VAV3: variants seen among roughly 807,000 people sequenced by gnomAD.
VAV3 encodes the protein guanine nucleotide exchange factor VAV3.
In VAV3, 94 loss-of-function variants were observed where a neutral mutation model predicts 131.2. The observed-to-expected ratio is 0.72, with a 90% CI of 0.61 to 0.85. VAV3 has a LOEUF of 0.85. Among genes scored for constraint, VAV3 ranks in the 40% least tolerant of loss-of-function variants. The pLI, the probability that VAV3 is intolerant of heterozygous loss-of-function variation, is 0.00. For synonymous variants in VAV3, 349 were observed against 342.0 expected (o/e 1.02, Z -0.22); for missense variants, 939 against 1,002.7 (o/e 0.94, Z 0.86).
intron 17 of VAV3, chr1:107,688,615 A>T: frequency 1.5e-6 from 2 of 1,335,834 alleles, no homozygotes; most frequent in Non-Finnish European, 2.0e-6. Context: ...AAAGTGACTC[A>T]CAGTTTTAAA....
At chr1:107,825,328 G>T (rs1667966598) in intron 2 of VAV3, among the ~76,000 whole-genome samples, 1 of 151,800 alleles carries the variant, frequency 6.6e-6, no homozygotes, top group South Asian at 2.1e-4. Flanking sequence ...TTTTCTACAG[G>T]TTTTAATTTG....
Position 107,572,110 on chromosome 1 carries a change from G to A in VAV3, c.*1221C>T, listed in dbSNP as rs1020643676. 1 of 152,252 alleles carries A rather than the reference G, an allele frequency of 6.6e-6. No homozygotes were observed. The highest frequency in any genetic ancestry group is 2.4e-5 in the African/African-American group (1 of 41,460). The allele number at this position is 152,252 out of a possible 1,614,324, so 9.4% of individuals were successfully genotyped here. Reference sequence around the variant, plus strand: ...CTTGAATGGGGACTCTGGACCCCAGGAAGAATGTATTTAGGCTCCTCACAA... The same window carrying A: ...CTTGAATGGGGACTCTGGACCCCAGAAAGAATGTATTTAGGCTCCTCACAA... On this transcript the variant is annotated 3_prime_UTR_variant, in exon 27 of 27. Transcript: ENST00000370056.
At chr1:107,701,045 T>C (rs1660092792) in intron 17 of VAV3, among the ~76,000 whole-genome samples, 1 of 142,558 alleles carries the variant, frequency 7.0e-6, no homozygotes, top group Non-Finnish European at 1.5e-5. Flanking sequence ...ATTTCTCTAA[T>C]GATCAGTCAT....
At position 107,836,634 on chromosome 1, in the gene VAV3, T is replaced by C. The variant is rs537605177; in HGVS notation, c.321+38267A>G. The stretch of plus-strand genomic sequence containing the variant: ...TCTAAAAAGTCAACAAAAACAAAAG[T>C]TGGTTCTTTGAAAGAATAAATAAGA... On this transcript the variant is annotated intron_variant, in intron 2 of 26. Transcript: ENST00000370056. Among the ~76,000 whole-genome samples the C allele has an allele frequency of 3.9e-5, 6 of 152,192 alleles. No individual in the cohort carries two copies. The South Asian group carries it at 1.2e-3, about 32-fold the overall frequency.
chr1:107,809,705 C>A (rs1370259085), intron 2 of VAV3, among the ~76,000 whole-genome samples: 1 of 152,174 alleles, frequency 6.6e-6, no homozygotes, highest in Non-Finnish European at 1.5e-5. Context: ...CTACACTGTG[C>A]AAATTACAAT....
chr1:107,848,070 T>C (rs2100944157), intron 2 of VAV3, among the ~76,000 whole-genome samples: 1 of 151,984 alleles, frequency 6.6e-6, no homozygotes, highest in African/African-American at 2.4e-5. Context: ...TGCCAGCACT[T>C]TGGGAGGCTG....
chr1:107,859,281 G>C (rs1216631456), intron 2 of VAV3, among the ~76,000 whole-genome samples: 1 of 151,940 alleles, frequency 6.6e-6, no homozygotes, highest in African/African-American at 2.4e-5. Flanking sequence ...ATGTTACCCA[G>C]GCTGGTCTTG....
chr1:107,606,736 T>A (rs1186936808), intron 22 of VAV3, among the ~76,000 whole-genome samples: 2 of 151,784 alleles, frequency 1.3e-5, no homozygotes, highest in Non-Finnish European at 2.9e-5. Context: ...GAACTTAAGT[T>A]TTCTCTTAAT....
intron 1 of VAV3, among the ~76,000 whole-genome samples, chr1:107,907,856 T>G (rs1571124708): frequency 6.6e-6 from 1 of 152,166 alleles, no homozygotes; most frequent in Non-Finnish European, 1.5e-5. Context: ...ACCCAGTCTA[T>G]GTATTCTGTT....
intron 3 of VAV3, among the ~76,000 whole-genome samples, chr1:107,778,466 A>G (rs935298272): frequency 6.6e-6 from 1 of 152,222 alleles, no homozygotes; most frequent in Non-Finnish European, 1.5e-5. Flanking sequence ...CATGTATTGA[A>G]GAGCAAATTA....
intron 17 of VAV3, among the ~76,000 whole-genome samples, chr1:107,691,160 T>G (rs1244131736): frequency 6.6e-6 from 1 of 152,136 alleles, no homozygotes; most frequent in Admixed American, 6.6e-5. Context: ...ATACCCACAC[T>G]AATGCAATAG....
At chr1:107,642,255 C>A (rs1385936486) in intron 20 of VAV3, among the ~76,000 whole-genome samples, 1 of 152,014 alleles carries the variant, frequency 6.6e-6, no homozygotes, top group East Asian at 1.9e-4. Flanking sequence ...GTAAAGAAGC[C>A]GGCTAAATCC....
rs114282423 is a variant in VAV3 at position 107,770,195 on chromosome 1, G to A, written c.648+441C>T. 2.7e-3 allele frequency among the ~76,000 whole-genome samples: 409 copies of A among 152,110 alleles called. 3 individuals are homozygous for A. The highest frequency in any genetic ancestry group is 4.0e-3 in the Non-Finnish European group (275 of 68,004). On this transcript the variant is annotated intron_variant, in intron 6 of 26. Transcript: ENST00000370056. Reference sequence around the variant, plus strand: ...ATGATCTTCATTGGCATATGTACACGGCTTATACCCTCAGTTCACTTAGCT... The same window carrying A: ...ATGATCTTCATTGGCATATGTACACAGCTTATACCCTCAGTTCACTTAGCT...
chr1:107,927,432 G>A (rs897327294), intron 1 of VAV3, among the ~76,000 whole-genome samples: 1 of 152,100 alleles, frequency 6.6e-6, no homozygotes, highest in African/African-American at 2.4e-5. Flanking sequence ...TAGCAAAGGG[G>A]ACTTTGTATT....
At chr1:107,847,532 T>C (rs531444023) in intron 2 of VAV3, among the ~76,000 whole-genome samples, 10 of 151,616 alleles carry the variant, frequency 6.6e-5, no homozygotes, top group Non-Finnish European at 1.2e-4. Flanking sequence ...GCCACACTAA[T>C]AAAGATGAAA....
At chr1:107,912,715 G>C (rs139129491) in intron 1 of VAV3, among the ~76,000 whole-genome samples, 1 of 152,228 alleles carries the variant, frequency 6.6e-6, no homozygotes, top group African/African-American at 2.4e-5. Flanking sequence ...CCAGGTCAGG[G>C]ACTAGATACC....
intron 15 of VAV3, among the ~76,000 whole-genome samples, chr1:107,731,588 A>G (rs1233114859): frequency 1.3e-5 from 2 of 151,818 alleles, no homozygotes; most frequent in East Asian, 1.9e-4. Flanking sequence ...ATAAGGAAGA[A>G]TCTTCTCCAG....
chr1:107,844,505 G>A (rs1293989536), intron 2 of VAV3, among the ~76,000 whole-genome samples: 1 of 152,178 alleles, frequency 6.6e-6, no homozygotes, highest in Non-Finnish European at 1.5e-5. Context: ...GCTGAAGCCA[G>A]GAAGCCGAGT....
intron 1 of VAV3, among the ~76,000 whole-genome samples, chr1:107,917,074 T>C (rs1370033007): frequency 2.0e-5 from 3 of 152,142 alleles, no homozygotes; most frequent in Admixed American, 2.0e-4. Context: ...TGCACAGGCC[T>C]GATCAAGCTG....
Sources: gnomAD v4.1 joint callset for allele counts (sites outside exome capture counted in the v4.1 genomes callset) on GRCh38, gnomAD v4.1.1 for gene constraint, MANE v1.5 for transcripts, NCBI Gene and HGNC (gene_info 2026-07-23, HGNC 2026-07-21) for gene names.